Variants in SUGCT observed in about 807,000 individuals in gnomAD.
SUGCT encodes succinyl-CoA:glutarate CoA-transferase.
SUGCT carries 41 observed loss-of-function variants against 55.0 expected under a neutral mutation model. The observed-to-expected ratio is 0.74, with a 90% CI of 0.58 to 0.97. SUGCT has a LOEUF of 0.97. Ranked by LOEUF, SUGCT falls within the 50% of genes least tolerant of loss-of-function variation. The pLI is 0.00. For synonymous variants in SUGCT, 187 were observed against 200.4 expected (o/e 0.93, Z 0.56); for missense variants, 568 against 547.8 (o/e 1.04, Z -0.37).
chr7:40,563,522 A>T (rs933911116), intron 12 of SUGCT, among the ~76,000 whole-genome samples: 1 of 139,824 alleles, frequency 7.2e-6, no homozygotes, highest in African/African-American at 3.3e-5. Flanking sequence ...CCTGGACAAC[A>T]TAGTGAGACC....
chr7:40,386,444 A>G (rs1188490924), intron 9 of SUGCT, among the ~76,000 whole-genome samples: 1 of 152,174 alleles, frequency 6.6e-6, no homozygotes, highest in Non-Finnish European at 1.5e-5. Flanking sequence ...GTATTCAGGT[A>G]AGACCCTTGA....
At chr7:40,510,951 A>C (rs543856158) in intron 12 of SUGCT, among the ~76,000 whole-genome samples, 6 of 152,272 alleles carry the variant, frequency 3.9e-5, no homozygotes, top group African/African-American at 1.4e-4. Flanking sequence ...CCAGAGCTCC[A>C]GGAAGAGAAA....
Position 40,612,152 on chromosome 7 carries a change from A to C in SUGCT, c.1089+115766A>C, listed in dbSNP as rs575068728. ...CATTTATGGATAGGCCGTTTTTCAA[A>C]GTACTTTATATCTGCGAGAACCTTT... On this transcript the variant is annotated intron_variant, in intron 12 of 13. Coordinates refer to ENST00000335693, the MANE Select transcript of SUGCT (RefSeq NM_001193313.2). 2.0e-4 allele frequency among the ~76,000 whole-genome samples: 31 copies of C among 152,318 alleles called. No homozygotes were observed. In the East Asian group the frequency reaches 5.4e-3, roughly 26 times the overall value.
At chr7:40,153,914 A>G in intron 1 of SUGCT, 1 of 377,876 alleles carries the variant, frequency 2.6e-6, no homozygotes, top group Non-Finnish European at 5.3e-6. Context: ...TGGAACCTTC[A>G]TCCACCTTGC....
intron 1 of SUGCT, among the ~76,000 whole-genome samples, chr7:40,140,296 G>A (rs954229662): frequency 1.3e-5 from 2 of 152,040 alleles, no homozygotes; most frequent in African/African-American, 4.8e-5. Flanking sequence ...TACTGAAAAG[G>A]GTATCCTTTC....
At chr7:40,561,797 T>C (rs1795852981) in intron 12 of SUGCT, among the ~76,000 whole-genome samples, 1 of 149,782 alleles carries the variant, frequency 6.7e-6, no homozygotes, top group African/African-American at 2.5e-5. Context: ...GTTCAAGCGA[T>C]TCTCCTGCCT....
At chr7:40,314,617 T>G (rs940136569) in intron 8 of SUGCT, among the ~76,000 whole-genome samples, 5 of 147,152 alleles carry the variant, frequency 3.4e-5, no homozygotes, top group African/African-American at 1.3e-4. Context: ...GAGGCTGGAG[T>G]GCAGTGGCAC....
chr7:40,245,417 ATATATAT>A (rs1562607232), intron 7 of SUGCT, among the ~76,000 whole-genome samples: 2 of 26,170 alleles, frequency 7.6e-5, no homozygotes, highest in Admixed American at 5.8e-4. Context: ...ATATATATAT[ATATATAT>A]TTTTTTTTTT....
chr7:40,421,200 A>T (rs1202958385), intron 9 of SUGCT, among the ~76,000 whole-genome samples: 1 of 152,126 alleles, frequency 6.6e-6, no homozygotes, highest in Non-Finnish European at 1.5e-5. Flanking sequence ...GGCACCCTTC[A>T]GAGGTCTTGA....
chr7:40,200,424 G>A (rs1786524275), intron 6 of SUGCT, among the ~76,000 whole-genome samples: 1 of 151,994 alleles, frequency 6.6e-6, no homozygotes, highest in South Asian at 2.1e-4. Context: ...GGCTTGTCAG[G>A]GAAGGTTTTT....
chr7:40,153,215 T>G, intron 1 of SUGCT: 1 of 380,366 alleles, frequency 2.6e-6, no homozygotes. Context: ...GATAGCAACA[T>G]TAGTAGGTGA....
At chr7:40,634,762 A>G (rs1799947846) in intron 12 of SUGCT, among the ~76,000 whole-genome samples, 1 of 152,240 alleles carries the variant, frequency 6.6e-6, no homozygotes, top group African/African-American at 2.4e-5. Flanking sequence ...TTATTTGAAA[A>G]TTATTTTATA....
the SUGCT span, among the ~76,000 whole-genome samples, chr7:40,946,106 GTTT>G: frequency 6.8e-6 from 1 of 146,292 alleles, no homozygotes; most frequent in Non-Finnish European, 1.5e-5. Flanking sequence ...TCACATACAA[GTTT>G]TTTTTTTTTT....
intron 9 of SUGCT, among the ~76,000 whole-genome samples, chr7:40,419,057 A>G (rs1336091597): frequency 6.6e-6 from 1 of 152,238 alleles, no homozygotes; most frequent in Non-Finnish European, 1.5e-5. Flanking sequence ...GAAATTCGCT[A>G]TAAAGTATGT....
intron 12 of SUGCT, among the ~76,000 whole-genome samples, chr7:40,562,052 C>T (rs1447062015): frequency 6.6e-6 from 1 of 150,464 alleles, no homozygotes; most frequent in African/African-American, 2.4e-5. Flanking sequence ...GTAATCCCAG[C>T]ACTTTGGGAG....
intron 1 of SUGCT, among the ~76,000 whole-genome samples, chr7:40,161,507 C>T (rs1784144973): frequency 6.6e-6 from 1 of 152,156 alleles, no homozygotes; most frequent in Non-Finnish European, 1.5e-5. Flanking sequence ...GTTGTTTGAT[C>T]AACCAACCTA....
the SUGCT span, among the ~76,000 whole-genome samples, chr7:41,036,524 T>C: frequency 6.6e-5 from 10 of 152,154 alleles, no homozygotes; most frequent in African/African-American, 2.4e-4. Context: ...TCTCTTCCGA[T>C]TTCTGTATTT....
At chr7:40,737,579 A>T (rs1787228360) in intron 12 of SUGCT, among the ~76,000 whole-genome samples, 1 of 152,230 alleles carries the variant, frequency 6.6e-6, no homozygotes, top group African/African-American at 2.4e-5. Flanking sequence ...ATTATGAAAA[A>T]TTTACAGAGA....
At chr7:40,410,252 G>GT (rs1786599215) in intron 9 of SUGCT, among the ~76,000 whole-genome samples, 1 of 151,978 alleles carries the variant, frequency 6.6e-6, no homozygotes, top group Non-Finnish European at 1.5e-5. Flanking sequence ...ATTTTATTTA[G>GT]TTTTTTCAAT....
Sources: allele counts gnomAD v4.1 joint callset (sites outside exome capture counted in the v4.1 genomes callset), GRCh38; gene constraint gnomAD v4.1.1; transcripts MANE v1.5; gene names NCBI Gene and HGNC (gene_info 2026-07-23, HGNC 2026-07-21).